SCHIP1: variants seen among roughly 807,000 people sequenced by gnomAD.
SCHIP1 encodes schwannomin interacting protein 1, also known as schwannomin-interacting protein 1.
A neutral mutation model predicts 29.7 loss-of-function variants in SCHIP1; 8 were observed. That is an observed-to-expected ratio of 0.27 (90% confidence interval 0.16 to 0.49). SCHIP1 has a LOEUF of 0.49. Among genes scored for constraint, SCHIP1 ranks in the 20% least tolerant of loss-of-function variants. The probability of loss-of-function intolerance (pLI) is 0.99; values close to 1 mark genes in which losing one functional copy is unlikely to be tolerated. For synonymous variants in SCHIP1, 76 were observed against 94.9 expected, an observed-to-expected ratio of 0.80 and a Z score of 1.16; for missense variants, 193 against 294.6, an observed-to-expected ratio of 0.66 and a Z score of 2.52.
chr3:159,492,932 T>C, the SCHIP1 span, among the ~76,000 whole-genome samples: 1 of 152,036 alleles, frequency 6.6e-6, no homozygotes, highest in East Asian at 1.9e-4. Flanking sequence ...CCAGAAGAGA[T>C]GGGGGACCAA....
intron 2 of SCHIP1, among the ~76,000 whole-genome samples, chr3:159,873,151 A>G (rs1316871924): frequency 6.6e-6 from 1 of 152,232 alleles, no homozygotes; most frequent in African/African-American, 2.4e-5. Flanking sequence ...AAAACCAGGT[A>G]AACCTGATAT....
the SCHIP1 span, among the ~76,000 whole-genome samples, chr3:159,698,331 T>A: frequency 1.3e-5 from 2 of 152,218 alleles, no homozygotes; most frequent in Non-Finnish European, 2.9e-5. Context: ...TTTTTTCCCC[T>A]CTTGAATAAA....
intron 2 of SCHIP1, among the ~76,000 whole-genome samples, chr3:159,878,465 G>A (rs1716080729): frequency 6.7e-6 from 1 of 149,026 alleles, no homozygotes; most frequent in Non-Finnish European, 1.5e-5. Flanking sequence ...CTGGGCAACA[G>A]AGTGAGACTC....
chr3:159,395,336 T>C, the SCHIP1 span, among the ~76,000 whole-genome samples: 5 of 152,254 alleles, frequency 3.3e-5, no homozygotes, highest in East Asian at 3.9e-4. Flanking sequence ...CTGCTCTGAT[T>C]TTAGTTATTT....
the SCHIP1 span, among the ~76,000 whole-genome samples, chr3:159,332,821 T>C: frequency 1.3e-5 from 2 of 152,220 alleles, no homozygotes; most frequent in African/African-American, 4.8e-5. Context: ...TTTTCACACA[T>C]CACTGATTGT....
the SCHIP1 span, chr3:159,273,291 T>C: frequency 1.2e-5 from 12 of 985,954 alleles, no homozygotes; most frequent in Non-Finnish European, 1.3e-5. Flanking sequence ...TCTGCTGTGA[T>C]AATCTTCAGC....
the SCHIP1 span, among the ~76,000 whole-genome samples, chr3:159,659,445 G>A: frequency 3.9e-5 from 6 of 152,212 alleles, no homozygotes; most frequent in Non-Finnish European, 7.3e-5. Flanking sequence ...TCTAAATGGT[G>A]TGCCTTTTTT....
chr3:159,750,294 T>C, the SCHIP1 span, among the ~76,000 whole-genome samples: 96,830 of 136,010 alleles, frequency 0.71, 34,853 homozygotes, highest in Middle Eastern at 0.88. Flanking sequence ...TATATATATA[T>C]ATACACACAC....
the SCHIP1 span, among the ~76,000 whole-genome samples, chr3:159,828,968 A>G: frequency 6.6e-6 from 1 of 152,162 alleles, no homozygotes; most frequent in Non-Finnish European, 1.5e-5. Context: ...GCAAATTTAT[A>G]CTACTTTTCA....
At chr3:159,347,106 C>T in the SCHIP1 span, among the ~76,000 whole-genome samples, 1 of 152,146 alleles carries the variant, frequency 6.6e-6, no homozygotes, top group African/African-American at 2.4e-5. Context: ...AATATATATG[C>T]TTCATATGTT....
the SCHIP1 span, among the ~76,000 whole-genome samples, chr3:159,830,336 T>G: frequency 1.3e-5 from 2 of 152,232 alleles, no homozygotes; most frequent in African/African-American, 4.8e-5. Flanking sequence ...TTTGATTGTT[T>G]TGCATGTTGG....
chr3:159,312,797 G>C, the SCHIP1 span, among the ~76,000 whole-genome samples: 6 of 152,088 alleles, frequency 3.9e-5, no homozygotes, highest in African/African-American at 1.4e-4. Flanking sequence ...AATTAAAAAG[G>C]CAAAAATTAT....
chr3:159,738,854 C>T, the SCHIP1 span, among the ~76,000 whole-genome samples: 1 of 152,102 alleles, frequency 6.6e-6, no homozygotes, highest in Non-Finnish European at 1.5e-5. Context: ...GAAGGCCTGA[C>T]TGAGGAGGTA....
At chr3:159,382,752 A>G in the SCHIP1 span, among the ~76,000 whole-genome samples, 3 of 152,106 alleles carry the variant, frequency 2.0e-5, no homozygotes, top group African/African-American at 7.2e-5. Flanking sequence ...ATTTCTCCAC[A>G]TCCTCTCCAG....
At chr3:159,629,907 T>A in the SCHIP1 span, among the ~76,000 whole-genome samples, 2 of 152,066 alleles carry the variant, frequency 1.3e-5, no homozygotes, top group East Asian at 1.9e-4. Context: ...GACAGACAAG[T>A]AAATAAAGTA....
the SCHIP1 span, among the ~76,000 whole-genome samples, chr3:159,492,859 G>T: frequency 6.6e-6 from 1 of 152,120 alleles, no homozygotes; most frequent in Admixed American, 6.5e-5. Context: ...GAGAAAGGTC[G>T]GGTTACCCAC....
At chr3:159,629,802 T>C in the SCHIP1 span, among the ~76,000 whole-genome samples, 1 of 152,214 alleles carries the variant, frequency 6.6e-6, no homozygotes, top group Non-Finnish European at 1.5e-5. Flanking sequence ...TTATTAAATA[T>C]CTGCTGTGTT....
chr3:159,676,891 A>C, the SCHIP1 span, among the ~76,000 whole-genome samples: 5 of 152,256 alleles, frequency 3.3e-5, no homozygotes, highest in South Asian at 1.0e-3. Flanking sequence ...AAATAAATCC[A>C]CATTATGGAG....
chr3:159,308,480 C>A, the SCHIP1 span, among the ~76,000 whole-genome samples: 11 of 152,046 alleles, frequency 7.2e-5, no homozygotes, highest in Non-Finnish European at 2.9e-5. Context: ...AAAGAGATAC[C>A]ATATTATACT....
Sources: gnomAD v4.1 joint callset for allele counts (sites outside exome capture counted in the v4.1 genomes callset) on GRCh38, gnomAD v4.1.1 for gene constraint, MANE v1.5 for transcripts, NCBI Gene and HGNC (gene_info 2026-07-23, HGNC 2026-07-21) for gene names.